The following ZNF33B variants were observed in gnomAD, a reference collection of about 807,000 sequenced individuals.
ZNF33B encodes zinc finger protein 33B, also known as zinc finger protein 11b (KOX 2).
Under a neutral mutation model 45.8 loss-of-function variants are expected in ZNF33B, and 29 were observed. The observed-to-expected ratio is 0.63, with a 90% CI of 0.47 to 0.86. The LOEUF is 0.86. Among genes scored for constraint, ZNF33B ranks in the 40% least tolerant of loss-of-function variants. The probability of loss-of-function intolerance (pLI) is 0.00; values close to 1 mark genes in which losing one functional copy is unlikely to be tolerated. For synonymous variants in ZNF33B, 305 were observed against 307.8 expected (o/e 0.99, Z 0.10); for missense variants, 831 against 909.9 (o/e 0.91, Z 1.12).
intron 4 of ZNF33B, among the ~76,000 whole-genome samples, chr10:42,621,345 A>C (rs1328319397): frequency 1.3e-5 from 2 of 151,978 alleles, no homozygotes; most frequent in Non-Finnish European, 2.9e-5. Context: ...AAAAATACAA[A>C]TGCAAATGAA....
Position 42,638,512 on chromosome 10 carries a change from C to G in ZNF33B, c.-83G>C, listed in dbSNP as rs557402354. 1 of 482,376 alleles carries G rather than the reference C, an allele frequency of 2.1e-6. No individual in the cohort carries two copies. Among genetic ancestry groups the G allele is most frequent in the South Asian group, 1.5e-5 (1 of 67,332 alleles). The allele number at this position is 482,376 out of a possible 1,614,324, so 29.9% of individuals were successfully genotyped here. Reference sequence around the variant, plus strand: ...CGGGTTGCATTCGCCATAAGAGAGCCGGTAGACCCCTGAAATCCCGGGACC... The same window carrying G: ...CGGGTTGCATTCGCCATAAGAGAGCGGGTAGACCCCTGAAATCCCGGGACC... On this transcript the variant is annotated 5_prime_UTR_variant, in exon 1 of 5. Transcript: ENST00000359467.
At chr10:42,587,462 G>C (rs561304122), downstream of ZNF33B, among the ~76,000 whole-genome samples, 100 of 152,224 alleles carry the variant, frequency 6.6e-4, no homozygotes, top group African/African-American at 2.2e-3. Flanking sequence ...CTCCCAAAAT[G>C]CTGGGACTTG....
At chr10:42,579,932 A>T (rs1386973301) in intron 1 of ZNF33B, 1 of 154,376 alleles carries the variant, frequency 6.5e-6, no homozygotes, top group Non-Finnish European at 1.5e-5. Context: ...GTCTCCAATC[A>T]TACCATGTTA....
chr10:42,587,308 T>C (rs183920204), downstream of ZNF33B, among the ~76,000 whole-genome samples: 46 of 152,278 alleles, frequency 3.0e-4, 1 homozygote, highest in East Asian at 7.9e-3. Flanking sequence ...CAAGTGATTC[T>C]CCTGCCTTAG....
intron 4 of ZNF33B, among the ~76,000 whole-genome samples, chr10:42,621,104 T>C (rs1432626278): frequency 1.3e-5 from 2 of 151,044 alleles, no homozygotes; most frequent in Admixed American, 6.6e-5. Context: ...GGTGGATCAC[T>C]TGATGCCAGG....
intron 4 of ZNF33B, among the ~76,000 whole-genome samples, chr10:42,595,816 G>A (rs1477952589): frequency 6.6e-6 from 1 of 152,178 alleles, no homozygotes; most frequent in African/African-American, 2.4e-5. Flanking sequence ...AACCAACGCT[G>A]TTGTCACCTT....
intron 4 of ZNF33B, among the ~76,000 whole-genome samples, chr10:42,615,498 A>G (rs1387776774): frequency 6.6e-6 from 1 of 152,234 alleles, no homozygotes; most frequent in Non-Finnish European, 1.5e-5. Flanking sequence ...CATTTTTATG[A>G]AACATCCAGA....
Position 42,592,823 on chromosome 10 carries a change from T to G in ZNF33B, c.2127A>C (p.Thr709=). The G allele has an allele frequency of 6.2e-7, 1 of 1,614,156 alleles. No homozygotes were observed. Among genetic ancestry groups the G allele is most frequent in the Middle Eastern group, 1.7e-4 (1 of 6,060 alleles). Reference sequence around the variant, plus strand: ...CTCCTGTGTGAGCCCTGTGATGTACTGTGAGTGATGATTTGTGACTGAAGG... The same window carrying G: ...CTCCTGTGTGAGCCCTGTGATGTACGGTGAGTGATGATTTGTGACTGAAGG... ...GKSFSHKSSL[T]VHHRAHTGEK... Residue 709 remains threonine, a synonymous_variant, in exon 5 of 5, where the codon ACA becomes ACC. Transcript: ENST00000359467.
chr10:42,624,088 C>T (rs1838701009), intron 4 of ZNF33B, among the ~76,000 whole-genome samples: 1 of 152,208 alleles, frequency 6.6e-6, no homozygotes, highest in Non-Finnish European at 1.5e-5. Flanking sequence ...TGCAGTTGGC[C>T]ACTGCATGTT....
In ZNF33B at chr10:42,629,555, G is replaced by A. The variant is rs564740449; in HGVS notation, c.250+2374C>T. Among the ~76,000 whole-genome samples, 3 of 152,126 alleles carry A rather than the reference G, an allele frequency of 2.0e-5. No individual in the cohort carries two copies. The East Asian group carries it at 5.8e-4, about 29-fold the overall frequency. On this transcript the variant is annotated intron_variant, in intron 4 of 4. Transcript: ENST00000359467. Reference sequence around the variant, plus strand: ...GTGTGCCTGTATCAAAACATCTCCTGTACCCCAAAAATAAATACACCTACT... The same window carrying A: ...GTGTGCCTGTATCAAAACATCTCCTATACCCCAAAAATAAATACACCTACT...
chr10:42,612,096 A>G (rs1239867285), intron 4 of ZNF33B, among the ~76,000 whole-genome samples: 2 of 150,374 alleles, frequency 1.3e-5, no homozygotes, highest in African/African-American at 2.4e-5. Context: ...TTTTTTTTTT[A>G]TCAAGTTGAG....
At chr10:42,588,782 T>C (rs1372643247), downstream of ZNF33B, among the ~76,000 whole-genome samples, 1 of 152,100 alleles carries the variant, frequency 6.6e-6, no homozygotes, top group South Asian at 2.1e-4. Context: ...CAAGAGCTGG[T>C]AGGGAAGCAG....
chr10:42,581,057 A>G (rs1438894962), intron 1 of ZNF33B, among the ~76,000 whole-genome samples: 1 of 152,186 alleles, frequency 6.6e-6, no homozygotes, highest in Non-Finnish European at 1.5e-5. Flanking sequence ...TCAGGGTTTT[A>G]TATCAAATGC....
At chr10:42,601,286 T>C (rs1301548213) in intron 4 of ZNF33B, among the ~76,000 whole-genome samples, 2 of 152,076 alleles carry the variant, frequency 1.3e-5, no homozygotes, top group African/African-American at 2.4e-5. Context: ...TTCATGCCTC[T>C]TGTGCTCAGG....
chr10:42,593,530 A>G lies in ZNF33B; in HGVS notation c.1420T>C (p.Cys474Arg), dbSNP rs1837245487. ...GACTTTTGACAAAAGGATTTCCCAC[A>G]CTCAAGACATTCAAAAGGTTTCTCA... ...TGEKPFECLE[C>R]GKSFCQKSHL... Residue 474 changes from cysteine (C) to arginine (R), a missense_variant, in exon 5 of 5, where the codon TGT (cysteine) becomes CGT (arginine). Coordinates refer to ENST00000359467, the MANE Select transcript of ZNF33B (RefSeq NM_006955.3). The G allele has an allele frequency of 6.2e-7, 1 of 1,614,034 alleles. No homozygotes were observed.
intron 4 of ZNF33B, among the ~76,000 whole-genome samples, chr10:42,601,465 C>CTTT (rs1837613319): frequency 2.2e-5 from 3 of 135,398 alleles, no homozygotes; most frequent in Non-Finnish European, 3.1e-5. Context: ...CTCACATGGG[C>CTTT]TTGTTTTTTT....
intron 1 of ZNF33B, among the ~76,000 whole-genome samples, chr10:42,580,461 C>T (rs1207701893): frequency 2.6e-5 from 4 of 151,168 alleles, no homozygotes; most frequent in Non-Finnish European, 5.9e-5. Flanking sequence ...TGGTCTTGAA[C>T]TCCTGGCCTC....
chr10:42,574,410 C>T (rs543561885), exon 2 of ZNF33B: 8 of 152,218 alleles, frequency 5.3e-5, no homozygotes, highest in Admixed American at 4.6e-4. Flanking sequence ...AGTGTGGTCC[C>T]GGCTAAGAGC....
downstream of ZNF33B, among the ~76,000 whole-genome samples, chr10:42,586,667 T>C (rs1214597699): frequency 6.6e-6 from 1 of 152,234 alleles, no homozygotes; most frequent in Non-Finnish European, 1.5e-5. Context: ...CAGTTTCCCC[T>C]GAAAATAATC....
Sources: gnomAD v4.1 joint callset for allele counts (sites outside exome capture counted in the v4.1 genomes callset) on GRCh38, gnomAD v4.1.1 for gene constraint, MANE v1.5 for transcripts, NCBI Gene and HGNC (gene_info 2026-07-23, HGNC 2026-07-21) for gene names.